The following NLGN1 variants were observed in gnomAD, a reference collection of about 807,000 sequenced individuals.
NLGN1 encodes neuroligin-1.
In NLGN1, 12 loss-of-function variants were observed where a neutral mutation model predicts 65.5. The ratio of observed to expected loss-of-function variants is 0.18; its 90% CI spans 0.12 to 0.30. The LOEUF (loss-of-function observed/expected upper bound fraction) is 0.30, where lower values mean the gene tolerates loss of function less well. Among genes scored for constraint, NLGN1 ranks in the 10% least tolerant of loss-of-function variants. NLGN1 has a pLI of 1.00. For missense variants in NLGN1, 750 were observed against 1,007.1 expected (o/e 0.74, Z 3.46); for synonymous variants, 350 against 359.5 (o/e 0.97, Z 0.30).
chr3:173,966,062 A>G (rs1714798290), intron 4 of NLGN1, among the ~76,000 whole-genome samples: 1 of 152,202 alleles, frequency 6.6e-6, no homozygotes, highest in Non-Finnish European at 1.5e-5. Flanking sequence ...CTTCTTTATA[A>G]GAATGAAAGA....
chr3:173,969,910 G>T, intron 4 of NLGN1, among the ~76,000 whole-genome samples: 1 of 150,064 alleles, frequency 6.7e-6, no homozygotes. Flanking sequence ...AGATATTTGG[G>T]CTTAAAAAAA....
chr3:174,080,922 G>GGTGTGT (rs571057944), intron 4 of NLGN1, among the ~76,000 whole-genome samples: 2,014 of 141,250 alleles, frequency 0.014, 35 homozygotes, highest in African/African-American at 0.041. Context: ...TGACATTCCT[G>GGTGTGT]GTGTGTGTGT....
At chr3:173,440,865 C>A (rs1350313402) in intron 2 of NLGN1, among the ~76,000 whole-genome samples, 1 of 152,140 alleles carries the variant, frequency 6.6e-6, no homozygotes, top group Non-Finnish European at 1.5e-5. Context: ...TTGAAGCCTG[C>A]AAGCCAGACA....
At chr3:173,724,831 C>T (rs1771488979) in intron 3 of NLGN1, among the ~76,000 whole-genome samples, 1 of 152,158 alleles carries the variant, frequency 6.6e-6, no homozygotes, top group South Asian at 2.1e-4. Flanking sequence ...GGCACATATA[C>T]ACCATGGAAT....
chr3:174,012,719 A>G (rs1725800080), intron 4 of NLGN1, among the ~76,000 whole-genome samples: 1 of 152,216 alleles, frequency 6.6e-6, no homozygotes, highest in African/African-American at 2.4e-5. Flanking sequence ...CTGAGCCCTG[A>G]AAAGATAACA....
At chr3:173,825,656 A>AGCT (rs1721195953) in intron 4 of NLGN1, among the ~76,000 whole-genome samples, 1 of 152,086 alleles carries the variant, frequency 6.6e-6, no homozygotes, top group Non-Finnish European at 1.5e-5. Flanking sequence ...GTAGTTGATA[A>AGCT]GCTGCTTTCC....
At chr3:174,158,955 G>T (rs1725989557) in intron 4 of NLGN1, among the ~76,000 whole-genome samples, 1 of 151,238 alleles carries the variant, frequency 6.6e-6, no homozygotes, top group Non-Finnish European at 1.5e-5. Context: ...CTTTTTTTCA[G>T]TCTCCTTTTT....
chr3:174,177,862 C>T (rs372950318), intron 4 of NLGN1, among the ~76,000 whole-genome samples: 9 of 151,916 alleles, frequency 5.9e-5, no homozygotes, highest in African/African-American at 1.9e-4. Flanking sequence ...AGTCTTTCAC[C>T]ATAATGTAAC....
intron 2 of NLGN1, among the ~76,000 whole-genome samples, chr3:173,571,411 A>T (rs1409050803): frequency 6.6e-6 from 1 of 152,198 alleles, no homozygotes; most frequent in Non-Finnish European, 1.5e-5. Flanking sequence ...TATATAAAAG[A>T]TGCCCTTGGC....
intron 4 of NLGN1, among the ~76,000 whole-genome samples, chr3:174,168,901 G>C (rs945800207): frequency 4.8e-4 from 73 of 152,282 alleles, no homozygotes; most frequent in African/African-American, 1.8e-3. Flanking sequence ...CATGGGGATA[G>C]GGGGTGGTCT....
chr3:174,044,713 A>G (rs1477651903), intron 4 of NLGN1, among the ~76,000 whole-genome samples: 1 of 152,048 alleles, frequency 6.6e-6, no homozygotes, highest in Non-Finnish European at 1.5e-5. Flanking sequence ...GAGGCCTCTG[A>G]TATGGTTTGA....
chr3:173,810,395 A>C (rs1276590618), intron 4 of NLGN1, among the ~76,000 whole-genome samples: 1 of 152,150 alleles, frequency 6.6e-6, no homozygotes, highest in Non-Finnish European at 1.5e-5. Context: ...TTGAGTGATT[A>C]AGTAGGAAAT....
rs185937801 is a variant in NLGN1 at position 174,099,532 on chromosome 3, A to G, written c.647-175783A>G. On this transcript the variant is annotated intron_variant, in intron 4 of 6. Coordinates refer to ENST00000457714, the Ensembl canonical transcript of NLGN1. Reference sequence around the variant, plus strand: ...GCAATGCGTAACAATATTAGTTCTTATTGAAGGCTTTCCCTGGACTTCTGA... The same window carrying G: ...GCAATGCGTAACAATATTAGTTCTTGTTGAAGGCTTTCCCTGGACTTCTGA... Among the ~76,000 whole-genome samples, 27 of 152,288 alleles carry G rather than the reference A, an allele frequency of 1.8e-4. No homozygotes were observed. The East Asian group carries it at 5.2e-3, about 29-fold the overall frequency.
chr3:173,500,571 T>G (rs1482649060), intron 2 of NLGN1, among the ~76,000 whole-genome samples: 2 of 152,174 alleles, frequency 1.3e-5, no homozygotes, highest in Non-Finnish European at 2.9e-5. Context: ...CCTCATAAAA[T>G]GAGTTAGGGA....
intron 4 of NLGN1, among the ~76,000 whole-genome samples, chr3:174,063,880 T>TTAAA (rs1242827151): frequency 1.3e-5 from 2 of 151,922 alleles, no homozygotes; most frequent in South Asian, 2.1e-4. Context: ...TCCTAAAGGA[T>TTAAA]TAAATAAATA....
intron 3 of NLGN1, among the ~76,000 whole-genome samples, chr3:173,652,015 A>G (rs1238155073): frequency 6.6e-6 from 1 of 152,174 alleles, no homozygotes; most frequent in African/African-American, 2.4e-5. Flanking sequence ...GCCGGTTTCA[A>G]ACTCCTGACA....
chr3:173,766,227 T>C (rs1778772635), intron 3 of NLGN1, among the ~76,000 whole-genome samples: 1 of 151,968 alleles, frequency 6.6e-6, no homozygotes, highest in Admixed American at 6.6e-5. Flanking sequence ...TAGGTGGGAT[T>C]ACAGACACCC....
chr3:173,648,941 T>TA (rs1758709250), intron 3 of NLGN1, among the ~76,000 whole-genome samples: 1 of 152,140 alleles, frequency 6.6e-6, no homozygotes, highest in Non-Finnish European at 1.5e-5. Flanking sequence ...ATGTGTCTAT[T>TA]AAAAAATTTG....
chr3:173,677,763 A>G (rs533765531), intron 3 of NLGN1, among the ~76,000 whole-genome samples: 23 of 152,212 alleles, frequency 1.5e-4, no homozygotes, highest in Admixed American at 1.4e-3. Flanking sequence ...GTGGCTAAGG[A>G]CTCACATAAT....
Sources: allele counts gnomAD v4.1 joint callset (sites outside exome capture counted in the v4.1 genomes callset), GRCh38; gene constraint gnomAD v4.1.1; transcripts MANE v1.5; gene names NCBI Gene and HGNC (gene_info 2026-07-23, HGNC 2026-07-21).